DYNC1I1: variants seen among roughly 807,000 people sequenced by gnomAD.
DYNC1I1 encodes dynein cytoplasmic 1 intermediate chain 1, also known as cytoplasmic dynein 1 intermediate chain 1.
Under a neutral mutation model 86.6 loss-of-function variants are expected in DYNC1I1, and 43 were observed. The ratio of observed to expected loss-of-function variants is 0.50; its 90% CI spans 0.39 to 0.64. The LOEUF is 0.64. DYNC1I1 is among the 30% of genes least tolerant of loss of function. The pLI, the probability that DYNC1I1 is intolerant of heterozygous loss-of-function variation, is 0.00. For missense variants in DYNC1I1, 604 were observed against 788.8 expected (o/e 0.77, Z 2.81); for synonymous variants, 262 against 283.7 (o/e 0.92, Z 0.77).
intron 5 of DYNC1I1, among the ~76,000 whole-genome samples, chr7:95,841,834 G>A (rs895863430): frequency 2.0e-5 from 3 of 152,166 alleles, no homozygotes; most frequent in Admixed American, 1.3e-4. Context: ...ACCCCTTCTA[G>A]GGAAAAGCTA....
intron 1 of DYNC1I1, among the ~76,000 whole-genome samples, chr7:95,781,889 G>A (rs1016588886): frequency 3.3e-5 from 5 of 152,190 alleles, no homozygotes; most frequent in African/African-American, 1.2e-4. Context: ...CAGGGAAGGT[G>A]AAAAGTAACC....
At chr7:95,934,901 C>T (rs1039784314) in intron 6 of DYNC1I1, among the ~76,000 whole-genome samples, 2 of 151,114 alleles carry the variant, frequency 1.3e-5, no homozygotes, top group South Asian at 2.1e-4. Context: ...GAAAAAACAC[C>T]GAGGCTTTTT....
intron 5 of DYNC1I1, among the ~76,000 whole-genome samples, chr7:95,846,669 C>A (rs2600567): frequency 0.58 from 75,437 of 129,054 alleles, 21,485 homozygotes; most frequent in Non-Finnish European, 0.71. Context: ...GTGTGTGTGA[C>A]GAAGGGGGCC....
intron 14 of DYNC1I1, among the ~76,000 whole-genome samples, chr7:96,066,999 C>A (rs944546394): frequency 6.6e-6 from 1 of 152,080 alleles, no homozygotes; most frequent in Non-Finnish European, 1.5e-5. Flanking sequence ...ACAGAAACAT[C>A]TCCTAAAATG....
intron 1 of DYNC1I1, among the ~76,000 whole-genome samples, chr7:95,784,113 A>T (rs1334028427): frequency 3.3e-5 from 5 of 152,076 alleles, no homozygotes; most frequent in Admixed American, 3.3e-4. Context: ...CTGAATTAGG[A>T]TCGTGGGAGT....
At chr7:96,068,715 G>A (rs891089831) in intron 14 of DYNC1I1, among the ~76,000 whole-genome samples, 2 of 152,302 alleles carry the variant, frequency 1.3e-5, no homozygotes, top group Non-Finnish European at 1.5e-5. Flanking sequence ...AAATAAATAT[G>A]AAGGGGGAAT....
intron 6 of DYNC1I1, among the ~76,000 whole-genome samples, chr7:95,945,688 G>A (rs1274302989): frequency 9.8e-6 from 1 of 101,852 alleles, no homozygotes; most frequent in East Asian, 4.5e-4. Context: ...GGCACATAAT[G>A]CAAAAATATA....
At chr7:96,039,517 G>A in intron 14 of DYNC1I1, 96 bp downstream of exon 14, 1 of 1,505,892 alleles carries the variant, frequency 6.6e-7, no homozygotes, top group East Asian at 2.3e-5. Flanking sequence ...CCTCTTCCAG[G>A]CAACCTGGCA....
chr7:95,858,543 T>G (rs1331461796), intron 5 of DYNC1I1, among the ~76,000 whole-genome samples: 1 of 152,158 alleles, frequency 6.6e-6, no homozygotes, highest in Non-Finnish European at 1.5e-5. Context: ...CATAATTATA[T>G]GTACTATATT....
At chr7:96,104,361 A>C (rs1210248432) in intron 16 of DYNC1I1, among the ~76,000 whole-genome samples, 1 of 152,072 alleles carries the variant, frequency 6.6e-6, no homozygotes, top group Non-Finnish European at 1.5e-5. Context: ...GATATGCAAA[A>C]ATTTTAAATT....
intron 3 of DYNC1I1, 154 bp from the exon 4 acceptor site, chr7:95,813,093 C>CTTTTTTTTTTTTTTTTTTTTTCCT (rs11452827): frequency 9.5e-7 from 1 of 1,057,876 alleles, no homozygotes. Context: ...CTTTTCTTTC[C>CTTTTTTTTTTTTTTTTTTTTTCCT]TTTTTTTTTT....
chr7:96,093,691 C>T (rs1474922629), intron 16 of DYNC1I1, among the ~76,000 whole-genome samples: 1 of 151,926 alleles, frequency 6.6e-6, no homozygotes. Context: ...CAGACTTCAT[C>T]AGAGATGAAT....
intron 6 of DYNC1I1, among the ~76,000 whole-genome samples, chr7:95,907,822 A>G (rs1292540144): frequency 6.6e-6 from 1 of 151,810 alleles, no homozygotes; most frequent in African/African-American, 2.4e-5. Context: ...TCAACATTCA[A>G]TAAATATTGT....
chr7:96,064,133 T>A (rs1265669601), intron 14 of DYNC1I1, among the ~76,000 whole-genome samples: 1 of 151,856 alleles, frequency 6.6e-6, no homozygotes, highest in East Asian at 1.9e-4. Context: ...TTCTTTAGAG[T>A]CAGTGCTTGT....
At chr7:95,874,209 A>AG (rs1790245180) in intron 6 of DYNC1I1, among the ~76,000 whole-genome samples, 1 of 152,154 alleles carries the variant, frequency 6.6e-6, no homozygotes, top group Admixed American at 6.5e-5. Flanking sequence ...TTATGTAGCT[A>AG]TTTGTTACAG....
chr7:96,100,464 GC>G (rs1476580792), downstream of DYNC1I1, among the ~76,000 whole-genome samples: 4 of 151,432 alleles, frequency 2.6e-5, 1 homozygote, highest in Non-Finnish European at 5.9e-5. Flanking sequence ...TGGCTGTCCT[GC>G]CTAAGCTGGC....
chr7:95,962,192 G>A (rs1173646764), intron 6 of DYNC1I1, among the ~76,000 whole-genome samples: 2 of 152,116 alleles, frequency 1.3e-5, no homozygotes, highest in African/African-American at 4.8e-5. Context: ...ACCCTTACCT[G>A]CCCTTAAAGC....
chr7:96,001,734 C>T lies in DYNC1I1; in HGVS notation c.969+5661C>T, dbSNP rs186819839. 3.3e-5 allele frequency among the ~76,000 whole-genome samples: 5 copies of T among 152,226 alleles called. No homozygotes were observed. The East Asian group carries it at 9.7e-4, about 29-fold the overall frequency. On this transcript the variant is annotated intron_variant, in intron 10 of 16. Transcript: ENST00000447467. ...CTCTCTGATGTCTCTTATAAGGACA[C>T]TAATCCTATCCTATCAGGTCCCTAC...
intron 6 of DYNC1I1, among the ~76,000 whole-genome samples, chr7:95,910,596 T>C (rs149446069): frequency 1.1e-3 from 175 of 152,216 alleles, no homozygotes; most frequent in African/African-American, 3.9e-3. Context: ...GGCCAGTAAG[T>C]AGAGCAGAGA....
Sources: allele counts gnomAD v4.1 joint callset (sites outside exome capture counted in the v4.1 genomes callset), GRCh38; gene constraint gnomAD v4.1.1; transcripts MANE v1.5; gene names NCBI Gene and HGNC (gene_info 2026-07-23, HGNC 2026-07-21).